GSTO1: variants seen among roughly 807,000 people sequenced by gnomAD.
GSTO1 encodes the protein glutathione S-transferase omega 1, also known as glutathione S-transferase omega-1.
Under a neutral mutation model 23.8 loss-of-function variants are expected in GSTO1, and 27 were observed. That is an observed-to-expected ratio of 1.13 (90% CI 0.83 to 1.56). GSTO1 has a LOEUF of 1.56. GSTO1 is among the 40% of genes most tolerant of loss of function. The pLI, the probability that GSTO1 is intolerant of heterozygous loss-of-function variation, is 0.00. For missense variants in GSTO1, 255 were observed against 285.8 expected (o/e 0.89, Z 0.78); for synonymous variants, 105 against 109.3 (o/e 0.96, Z 0.25).
chr10:104,263,280 C>A (rs1425317624), intron 4 of GSTO1, among the ~76,000 whole-genome samples: 1 of 152,168 alleles, frequency 6.6e-6, no homozygotes, highest in African/African-American at 2.4e-5. Context: ...AACACCTAAA[C>A]AGACTTTGTC....
At chr10:104,255,003 C>T (rs771961744) in intron 1 of GSTO1, 41 bp downstream of exon 1, 3 of 1,572,944 alleles carry the variant, frequency 1.9e-6, no homozygotes, top group East Asian at 2.3e-5. Context: ...ATCTCGGCGA[C>T]CCCCGGCGGC....
upstream of GSTO1, chr10:104,254,701 T>C: frequency 1.7e-6 from 1 of 600,170 alleles, no homozygotes; most frequent in African/African-American, 1.9e-5. Flanking sequence ...TATCTCCCCG[T>C]GGGTGCAGCC....
intron 2 of GSTO1, among the ~76,000 whole-genome samples, chr10:104,256,127 C>A (rs1000117213): frequency 1.3e-5 from 2 of 151,990 alleles, no homozygotes; most frequent in African/African-American, 4.8e-5. Context: ...AATTATTTTC[C>A]CTAAAAGAAA....
At position 104,259,844 on chromosome 10, in the gene GSTO1, T is replaced by G. The variant is rs367820260; in HGVS notation, c.366+46T>G. The G allele has an allele frequency of 1.5e-4, 196 of 1,299,960 alleles. 1 individual carries two copies. In the Middle Eastern group the frequency reaches 4.2e-3, roughly 28 times the overall value. 80.5% of individuals were successfully genotyped at this position (1,299,960 alleles called of 1,614,324 possible). ...AGCTCCTATTTGAAAAACCTGTTTT[T>G]TAAAGCGAAATCAGTGCTGCCATTT... On this transcript the variant is annotated intron_variant, in intron 3 of 5. Transcript: ENST00000369713.
At chr10:104,264,659 G>A (rs1323454416) in intron 4 of GSTO1, among the ~76,000 whole-genome samples, 2 of 152,106 alleles carry the variant, frequency 1.3e-5, no homozygotes, top group African/African-American at 4.8e-5. Flanking sequence ...CACTTACAAT[G>A]GGGTTACATC....
At chr10:104,259,047 C>T (rs752586039) in intron 2 of GSTO1, among the ~76,000 whole-genome samples, 9 of 151,914 alleles carry the variant, frequency 5.9e-5, no homozygotes, top group Admixed American at 1.3e-4. Context: ...ACACTGTTGG[C>T]GGGAATGTAA....
intron 4 of GSTO1, among the ~76,000 whole-genome samples, chr10:104,265,377 T>C (rs926880731): frequency 6.6e-6 from 1 of 152,264 alleles, no homozygotes; most frequent in Non-Finnish European, 1.5e-5. Flanking sequence ...TGTTCCAAAG[T>C]ATAGTATATT....
At position 104,266,115 on chromosome 10, in the gene GSTO1, G is replaced by A; in HGVS notation, c.497G>A (p.Gly166Asp). The A allele has an allele frequency of 6.2e-7, 1 of 1,609,094 alleles. No individual in the cohort carries two copies. Among genetic ancestry groups the A allele is most frequent in the South Asian group, 1.1e-5 (1 of 90,958 alleles). The change falls in exon 5 of 6, where the codon GGT becomes GAT. Residue 166 changes from glycine (G) to aspartate (D), a missense_variant. Physicochemically the swap from Gly to Asp is moderately conservative, Grantham distance 94 (BLOSUM62 -1). Coordinates refer to ENST00000369713, the MANE Select transcript of GSTO1 (RefSeq NM_004832.3). ...ACTAATAAGAAGACGACCTTCTTTGGTGGCAATTCTATCTCTATGATTGAT... is the reference window on the plus strand; with the variant it reads ...ACTAATAAGAAGACGACCTTCTTTGATGGCAATTCTATCTCTATGATTGAT... The part of the protein sequence containing the change: ...VLTNKKTTFF[G>D]GNSISMIDYL...
intron 3 of GSTO1, among the ~76,000 whole-genome samples, chr10:104,261,069 CTT>C (rs1219055893): frequency 6.6e-6 from 1 of 152,076 alleles, no homozygotes; most frequent in East Asian, 1.9e-4. Flanking sequence ...TTCTGGAAAA[CTT>C]TTTTTAGTAT....
At chr10:104,263,665 G>A (rs2011156819) in intron 4 of GSTO1, among the ~76,000 whole-genome samples, 1 of 152,144 alleles carries the variant, frequency 6.6e-6, no homozygotes, top group Non-Finnish European at 1.5e-5. Context: ...AGTTTTTACT[G>A]ACAGAAGACA....
intron 5 of GSTO1, among the ~76,000 whole-genome samples, chr10:104,266,715 G>C (rs1031114402): frequency 2.7e-5 from 4 of 148,336 alleles, no homozygotes; most frequent in African/African-American, 7.7e-5. Context: ...GCCTGGGCAA[G>C]AGCAAGACAC....
At position 104,267,389 on chromosome 10, in the gene GSTO1, G is replaced by A. The variant is rs986118514; in HGVS notation, c.710G>A (p.Cys237Tyr). The A allele has an allele frequency of 5.0e-6, 8 of 1,611,014 alleles. No homozygotes were observed. In the African/African-American group the frequency reaches 1.1e-4, roughly 22 times the overall value. The change falls in exon 6 of 6, where the codon TGT becomes TAT. Residue 237 changes from cysteine (C) to tyrosine (Y), a missense_variant. By Grantham distance (194) the Cys-to-Tyr change is radical. Coordinates refer to ENST00000369713, the MANE Select transcript of GSTO1 (RefSeq NM_004832.3). The stretch of plus-strand genomic sequence containing the variant: ...TACTTACAGAACAGCCCTGAGGCCT[G>A]TGACTATGGGCTCTGAAGGGGGCAG... ...ELYLQNSPEA[C>Y]DYGL is the part of the protein sequence containing the mutation.
chr10:104,263,161 C>T, intron 4 of GSTO1, 84 bp downstream of exon 4: 2 of 621,336 alleles, frequency 3.2e-6, no homozygotes, highest in Admixed American at 2.9e-5. Flanking sequence ...TTTATATTCC[C>T]ACTTTCCAAG....
Position 104,266,107 on chromosome 10 carries a change from C to A in GSTO1, c.489C>A (p.Thr163=). 1 of 1,605,002 alleles carries A rather than the reference C, an allele frequency of 6.2e-7. No individual in the cohort carries two copies. The highest frequency in any genetic ancestry group is 8.5e-7 in the Non-Finnish European group (1 of 1,171,792). ...AGGTTCTGACTAATAAGAAGACGACCTTCTTTGGTGGCAATTCTATCTCTA... is the reference window on the plus strand; with the variant it reads ...AGGTTCTGACTAATAAGAAGACGACATTCTTTGGTGGCAATTCTATCTCTA... ...LEEVLTNKKT[T]FFGGNSISMI... Residue 163 remains threonine (T), a synonymous_variant, in exon 5 of 6, where the codon ACC becomes ACA. Coordinates refer to ENST00000369713, the MANE Select transcript of GSTO1 (RefSeq NM_004832.3).
chr10:104,267,364 T>C lies in GSTO1; in HGVS notation c.685T>C (p.Tyr229His). 1.2e-6 allele frequency: 2 copies of C among 1,613,838 alleles called. No individual in the cohort carries two copies. The highest frequency in any genetic ancestry group is 1.7e-6 in the Non-Finnish European group (2 of 1,179,732). Residue 229 changes from tyrosine to histidine, a missense_variant, in exon 6 of 6, where the codon TAC becomes CAC. Coordinates refer to ENST00000369713, the MANE Select transcript of GSTO1 (RefSeq NM_004832.3). ...AGACTGGCAAGGTTTCCTAGAGCTC[T>C]ACTTACAGAACAGCCCTGAGGCCTG... ...EKDWQGFLEL[Y>H]LQNSPEACDY...
chr10:104,260,665 T>C (rs1023227540), intron 3 of GSTO1, among the ~76,000 whole-genome samples: 1 of 152,202 alleles, frequency 6.6e-6, no homozygotes, highest in African/African-American at 2.4e-5. Context: ...ACACCAAGAA[T>C]AGCATGTCTG....
upstream of GSTO1, chr10:104,254,699 C>A: frequency 1.7e-6 from 1 of 599,220 alleles, no homozygotes. Flanking sequence ...TGTATCTCCC[C>A]GTGGGTGCAG....
Position 104,255,149 on chromosome 10 carries a change from C to G in GSTO1, c.35-14C>G. The G allele has an allele frequency of 6.2e-7, 1 of 1,602,088 alleles. No individual in the cohort carries two copies. The highest frequency in any genetic ancestry group is 8.6e-7 in the Non-Finnish European group (1 of 1,169,506). ...CCTCTCTGGGCCGTAATCGCCTTCG[C>G]TTCTCCCCGGCAGGAAGCGCGCCCC... is the stretch of plus-strand genomic sequence containing the variant. On this transcript the variant is annotated splice_polypyrimidine_tract_variant and intron_variant, in intron 1 of 5. Coordinates refer to ENST00000369713, the MANE Select transcript of GSTO1 (RefSeq NM_004832.3).
chr10:104,255,098 G>A, intron 1 of GSTO1, 65 bp from the exon 2 acceptor site: 1 of 1,446,344 alleles, frequency 6.9e-7, no homozygotes, highest in Non-Finnish European at 9.6e-7. Context: ...GGACGCGGGG[G>A]CGGTGGGATA....
Sources: allele counts gnomAD v4.1 joint callset (sites outside exome capture counted in the v4.1 genomes callset), GRCh38; gene constraint gnomAD v4.1.1; transcripts MANE v1.5; gene names NCBI Gene and HGNC (gene_info 2026-07-23, HGNC 2026-07-21).